IQCK: variants seen among roughly 807,000 people sequenced by gnomAD.
The protein encoded by IQCK is IQ motif containing K.
IQCK carries 29 observed loss-of-function variants against 28.1 expected under a neutral mutation model. The observed-to-expected ratio is 1.03, with a 90% CI of 0.77 to 1.41. The LOEUF (loss-of-function observed/expected upper bound fraction) is 1.41, where lower values mean the gene tolerates loss of function less well. Ranked by LOEUF, IQCK falls within the 40% of genes most tolerant of loss-of-function variation. The probability of loss-of-function intolerance (pLI) is 0.00; values close to 1 mark genes in which losing one functional copy is unlikely to be tolerated. For missense variants in IQCK, 359 were observed against 314.7 expected (o/e 1.14, Z -1.07); for synonymous variants, 113 against 115.1 (o/e 0.98, Z 0.12).
chr16:19,738,106 T>C (rs2054782076), intron 4 of IQCK, among the ~76,000 whole-genome samples: 2 of 152,244 alleles, frequency 1.3e-5, no homozygotes, highest in South Asian at 2.1e-4. Context: ...TTTAAGTTCC[T>C]TGGGGACAGA....
chr16:19,854,863 A>G (rs1179673521), intron 9 of IQCK, among the ~76,000 whole-genome samples: 1 of 152,200 alleles, frequency 6.6e-6, no homozygotes, highest in Non-Finnish European at 1.5e-5. Flanking sequence ...AGTAGGGTCT[A>G]GAAGCACATA....
chr16:19,762,868 T>C (rs897464743), intron 4 of IQCK, among the ~76,000 whole-genome samples: 2 of 151,904 alleles, frequency 1.3e-5, no homozygotes, highest in African/African-American at 4.8e-5. Context: ...ATACAAAAAT[T>C]AGCCAGGCGT....
intron 9 of IQCK, among the ~76,000 whole-genome samples, chr16:19,837,582 G>A (rs769811653): frequency 1.4e-4 from 22 of 152,296 alleles, no homozygotes; most frequent in South Asian, 2.1e-4. Context: ...TAAAACAGCC[G>A]TGTATGGAAT....
chr16:19,822,184 G>A (rs1481553952), intron 7 of IQCK, among the ~76,000 whole-genome samples: 4 of 150,484 alleles, frequency 2.7e-5, no homozygotes, highest in Non-Finnish European at 1.5e-5. Flanking sequence ...TCAGGGGTTC[G>A]AGACCAGCCT....
chr16:19,743,521 CAGA>C (rs2054866049), intron 4 of IQCK, among the ~76,000 whole-genome samples: 1 of 152,204 alleles, frequency 6.6e-6, no homozygotes, highest in African/African-American at 2.4e-5. Context: ...TGCTTTGTGC[CAGA>C]TGTCATTCTA....
intron 7 of IQCK, among the ~76,000 whole-genome samples, chr16:19,818,939 G>A (rs964856229): frequency 3.9e-5 from 6 of 152,110 alleles, no homozygotes; most frequent in African/African-American, 1.4e-4. Flanking sequence ...GTAAAGCTCT[G>A]GGGTGGCATT....
intron 9 of IQCK, among the ~76,000 whole-genome samples, chr16:19,851,991 A>C (rs1451245997): frequency 1.3e-5 from 2 of 152,174 alleles, no homozygotes; most frequent in Non-Finnish European, 2.9e-5. Context: ...AAAGTAGTGC[A>C]TCCCCAGAGG....
chr16:19,828,431 A>G (rs1169477695), downstream of IQCK, among the ~76,000 whole-genome samples: 2 of 141,716 alleles, frequency 1.4e-5, no homozygotes, highest in Admixed American at 1.5e-4. Context: ...ACAGGGTGTC[A>G]CCATACATAT....
chr16:19,734,097 G>A (rs1003508997), intron 3 of IQCK: 2 of 310,282 alleles, frequency 6.4e-6, no homozygotes, highest in Non-Finnish European at 6.0e-6. Flanking sequence ...ACATGTAGCC[G>A]GCTGTGATGG....
intron 9 of IQCK, among the ~76,000 whole-genome samples, chr16:19,852,589 A>G (rs918675313): frequency 6.9e-6 from 1 of 145,720 alleles, no homozygotes; most frequent in African/African-American, 2.5e-5. Flanking sequence ...CACTATATGT[A>G]TTATTCCGTG....
intron 7 of IQCK, among the ~76,000 whole-genome samples, chr16:19,807,909 G>GAAC (rs1367437994): frequency 1.3e-5 from 2 of 152,100 alleles, no homozygotes; most frequent in African/African-American, 4.8e-5. Flanking sequence ...TTCTCCCTAA[G>GAAC]AATATATTCC....
chr16:19,803,412 G>A (rs1403259510), intron 7 of IQCK, among the ~76,000 whole-genome samples: 1 of 152,114 alleles, frequency 6.6e-6, no homozygotes, highest in Non-Finnish European at 1.5e-5. Flanking sequence ...CGAGGTGCTG[G>A]AATTGCAGGT....
intron 3 of IQCK, 58 bp downstream of exon 3, chr16:19,733,885 AGGGT>A (rs923860008): frequency 1.9e-6 from 3 of 1,593,420 alleles, no homozygotes; most frequent in African/African-American, 1.3e-5. Context: ...GCAGAACCAC[AGGGT>A]GGGTATGGAG....
At chr16:19,722,820 A>G (rs1388240945) in intron 1 of IQCK, among the ~76,000 whole-genome samples, 2 of 151,852 alleles carry the variant, frequency 1.3e-5, no homozygotes, top group Non-Finnish European at 2.9e-5. Context: ...AGGTTCAAGC[A>G]ATTCCCCCAC....
intron 6 of IQCK, among the ~76,000 whole-genome samples, chr16:19,769,002 G>A (rs777415304): frequency 3.9e-5 from 6 of 152,116 alleles, no homozygotes; most frequent in Non-Finnish European, 7.4e-5. Flanking sequence ...GGGCCCAACT[G>A]GGGCTGGAGG....
chr16:19,821,751 C>T (rs1597588971), intron 7 of IQCK, among the ~76,000 whole-genome samples: 1 of 151,904 alleles, frequency 6.6e-6, no homozygotes, highest in African/African-American at 2.4e-5. Context: ...ACCCTGTTCC[C>T]AATAGCCAAA....
intron 7 of IQCK, among the ~76,000 whole-genome samples, chr16:19,808,157 G>C (rs114969189): frequency 0.027 from 4,108 of 152,224 alleles, 161 homozygotes; most frequent in African/African-American, 0.092. Context: ...ATAGGCCACA[G>C]CACTATAAAT....
exon 10 of IQCK, chr16:19,858,323 G>A (rs2056589367): frequency 2.3e-6 from 1 of 443,116 alleles, no homozygotes; most frequent in East Asian, 3.4e-5. Context: ...AGATTTAAAA[G>A]GGGGGAAAAA....
At chr16:19,847,977 T>C (rs983743322) in intron 9 of IQCK, among the ~76,000 whole-genome samples, 1 of 152,206 alleles carries the variant, frequency 6.6e-6, no homozygotes, top group Non-Finnish European at 1.5e-5. Context: ...CCAATGCTGC[T>C]GCTTTGAACA....
Sources: gnomAD v4.1 joint callset for allele counts (sites outside exome capture counted in the v4.1 genomes callset) on GRCh38, gnomAD v4.1.1 for gene constraint, MANE v1.5 for transcripts, NCBI Gene and HGNC (gene_info 2026-07-23, HGNC 2026-07-21) for gene names.